Variants in CCDC80 observed in about 807,000 individuals in gnomAD.
CCDC80 encodes coiled-coil domain containing 80, also known as coiled-coil domain-containing protein 80.
A neutral mutation model predicts 78.7 loss-of-function variants in CCDC80; 49 were observed. That is an observed-to-expected ratio of 0.62 (90% CI 0.50 to 0.79). The LOEUF (loss-of-function observed/expected upper bound fraction) is 0.79. CCDC80 is among the 30% of genes least tolerant of loss of function. The probability of loss-of-function intolerance (pLI) is 0.00; values close to 1 mark genes in which losing one functional copy is unlikely to be tolerated. For missense variants in CCDC80, 1,205 were observed against 1,198.6 expected, an observed-to-expected ratio of 1.01 and a Z score of -0.08; for synonymous variants, 488 against 447.0, an observed-to-expected ratio of 1.09 and a Z score of -1.16.
At position 112,639,609 on chromosome 3, in the gene CCDC80, C is replaced by T; in HGVS notation, c.297G>A (p.Gly99=). 1 of 1,614,190 alleles carries T rather than the reference C, an allele frequency of 6.2e-7. No homozygotes were observed. Among genetic ancestry groups the T allele is most frequent in the Non-Finnish European group, 8.5e-7 (1 of 1,180,038 alleles). The part of the protein sequence containing the change: ...TEPPARSDIN[G]AAVRPEQRPA... ...GTCTTTGCTCAGGTCTCACGGCGGC[C>T]CCATTGATGTCCGAGCGGGCTGGCG... The change falls in exon 2 of 8, where the codon GGG becomes GGA. Residue 99 remains glycine, a synonymous_variant. Transcript: ENST00000206423.
chr3:112,618,344 C>A (rs1486961433), intron 4 of CCDC80, among the ~76,000 whole-genome samples: 2 of 152,106 alleles, frequency 1.3e-5, no homozygotes, highest in African/African-American at 4.8e-5. Flanking sequence ...CACAGTGAAA[C>A]CCCATCTCTA....
intron 3 of CCDC80, among the ~76,000 whole-genome samples, chr3:112,627,338 A>C (rs778456557): frequency 6.6e-5 from 10 of 152,194 alleles, no homozygotes; most frequent in Non-Finnish European, 1.0e-4. Context: ...TGCTGACAAA[A>C]CCAGATAGGC....
intron 5 of CCDC80, among the ~76,000 whole-genome samples, chr3:112,612,450 C>A (rs1056194183): frequency 6.6e-6 from 1 of 152,144 alleles, no homozygotes; most frequent in African/African-American, 2.4e-5. Flanking sequence ...AGGTCATTTC[C>A]CCTAAGTCAT....
intron 2 of CCDC80, among the ~76,000 whole-genome samples, chr3:112,631,561 T>A (rs895462153): frequency 2.6e-5 from 4 of 152,202 alleles, no homozygotes; most frequent in Admixed American, 2.6e-4. Context: ...CATTCAAATG[T>A]ATCAACCAAC....
At chr3:112,617,967 T>C (rs1935785131) in intron 4 of CCDC80, among the ~76,000 whole-genome samples, 1 of 152,180 alleles carries the variant, frequency 6.6e-6, no homozygotes, top group Non-Finnish European at 1.5e-5. Flanking sequence ...GGGAATGAAG[T>C]TCAACACTAA....
chr3:112,605,411 T>G lies in CCDC80; in HGVS notation c.*6A>C, dbSNP rs751139841. ...ACTGGCTGAGTCTAAGGTTACATAT[T>G]TCTGCTCAGTAAGGGTATCCATGGT... On this transcript the variant is annotated 3_prime_UTR_variant, in exon 8 of 8. Transcript: ENST00000206423. 3 of 1,601,408 alleles carry G rather than the reference T, an allele frequency of 1.9e-6. No individual in the cohort carries two copies. The highest frequency in any genetic ancestry group is 2.6e-6 in the Non-Finnish European group (3 of 1,170,868).
chr3:112,626,927 A>G (rs1360306773), intron 3 of CCDC80, among the ~76,000 whole-genome samples: 1 of 152,176 alleles, frequency 6.6e-6, no homozygotes, highest in Non-Finnish European at 1.5e-5. Flanking sequence ...TTGTTGCCAT[A>G]TTCCACCTCC....
chr3:112,628,650 A>G (rs73231371), intron 3 of CCDC80, among the ~76,000 whole-genome samples: 11,342 of 152,260 alleles, frequency 0.074, 586 homozygotes, highest in South Asian at 0.2. Context: ...TCCAGAATTC[A>G]TTTTGTGTCT....
chr3:112,616,705 T>C lies in CCDC80; in HGVS notation c.2321+5A>G. The C allele has an allele frequency of 6.2e-7, 1 of 1,614,074 alleles. No individual in the cohort carries two copies. Among genetic ancestry groups the C allele is most frequent in the Non-Finnish European group, 8.5e-7 (1 of 1,179,944 alleles). On this transcript the variant is annotated splice_donor_5th_base_variant and intron_variant, in intron 5 of 7. Transcript: ENST00000206423. ...TCCTCTTTAGCGACTCCAAAGGTGA[T>C]GTACCTGGATAGGAAGTTCTCCAGG...
At chr3:112,608,470 T>C (rs1030903405) in intron 6 of CCDC80, among the ~76,000 whole-genome samples, 3 of 152,364 alleles carry the variant, frequency 2.0e-5, no homozygotes, top group African/African-American at 7.2e-5. Context: ...AATTAATAAA[T>C]GTGAACATGA....
chr3:112,624,850 T>G (rs1935935065), intron 3 of CCDC80, among the ~76,000 whole-genome samples: 1 of 152,194 alleles, frequency 6.6e-6, no homozygotes, highest in African/African-American at 2.4e-5. Flanking sequence ...TAATTTCAGG[T>G]GCCAAACTAC....
intron 3 of CCDC80, among the ~76,000 whole-genome samples, chr3:112,619,459 C>A (rs552852394): frequency 6.6e-6 from 1 of 152,294 alleles, no homozygotes; most frequent in South Asian, 2.1e-4. Context: ...CACCGGGGAA[C>A]TGGACCGACC....
In CCDC80 at chr3:112,639,566, GA is replaced by G; in HGVS notation, c.339del (p.Pro114ArgfsTer4). 1 of 1,614,120 alleles carries G rather than the reference GA, an allele frequency of 6.2e-7. No individual in the cohort carries two copies. Among genetic ancestry groups the G allele is most frequent in the Non-Finnish European group, 8.5e-7 (1 of 1,180,036 alleles). On this transcript the variant is annotated frameshift_variant, in exon 2 of 8. Coordinates refer to ENST00000206423, the MANE Select transcript of CCDC80 (RefSeq NM_199511.3). LOFTEE classifies it high-confidence loss of function. ...RPEQRPAARG[S>X]PREMIRDEGS... Reference sequence around the variant, plus strand: ...CCCTCATCTCTGATCATCTCACGCGGAGAGCCCCTGGCTGCTGGTCTTTGCT... The same window carrying G: ...CCCTCATCTCTGATCATCTCACGCGGGAGCCCCTGGCTGCTGGTCTTTGCT...
intron 5 of CCDC80, among the ~76,000 whole-genome samples, chr3:112,611,804 GC>G (rs1236067677): frequency 6.6e-6 from 1 of 152,172 alleles, no homozygotes; most frequent in Non-Finnish European, 1.5e-5. Flanking sequence ...GGGTGTTGGT[GC>G]ACTCACAGAG....
chr3:112,628,778 AATAATT>A (rs145994469), intron 3 of CCDC80, among the ~76,000 whole-genome samples: 7,909 of 152,232 alleles, frequency 0.052, 282 homozygotes, highest in Non-Finnish European at 0.08. Flanking sequence ...ATCAATCCAC[AATAATT>A]TATGATGGGA....
intron 4 of CCDC80, among the ~76,000 whole-genome samples, chr3:112,618,735 GTCTGAGTC>G (rs1483295570): frequency 6.6e-6 from 1 of 152,148 alleles, no homozygotes; most frequent in Non-Finnish European, 1.5e-5. Flanking sequence ...AAAGAATTTA[GTCTGAGTC>G]AAGTAGCTGG....
At chr3:112,637,787 C>A (rs1936235588) in intron 2 of CCDC80, among the ~76,000 whole-genome samples, 1 of 152,072 alleles carries the variant, frequency 6.6e-6, no homozygotes, top group South Asian at 2.1e-4. Context: ...GTGTAGGGTC[C>A]CCAGCCACTG....
chr3:112,619,801 A>C (rs1326601551), intron 3 of CCDC80, among the ~76,000 whole-genome samples: 4 of 152,188 alleles, frequency 2.6e-5, no homozygotes, highest in Non-Finnish European at 5.9e-5. Context: ...GTGTCACTGG[A>C]TTAATGGGAA....
intron 6 of CCDC80, 105 bp downstream of exon 6, chr3:112,609,873 G>A: frequency 1.2e-6 from 1 of 830,786 alleles, no homozygotes. Context: ...TGAACAGTCT[G>A]AACTAGGAAT....
Sources: gnomAD v4.1 joint callset for allele counts (sites outside exome capture counted in the v4.1 genomes callset) on GRCh38, gnomAD v4.1.1 for gene constraint, MANE v1.5 for transcripts, NCBI Gene and HGNC (gene_info 2026-07-23, HGNC 2026-07-21) for gene names.